The following IDO2 variants were observed in gnomAD, a reference collection of about 807,000 sequenced individuals.
IDO2 encodes the protein indoleamine 2,3-dioxygenase 2.
IDO2 carries 46 observed loss-of-function variants against 45.1 expected under a neutral mutation model. That is an observed-to-expected ratio of 1.02 (90% CI 0.80 to 1.30). The LOEUF is 1.30. IDO2 is among the 50% of genes most tolerant of loss of function. IDO2 has a pLI of 0.00. For missense variants in IDO2, 544 were observed against 491.8 expected, an observed-to-expected ratio of 1.11 and a Z score of -1.00; for synonymous variants, 218 against 184.9, an observed-to-expected ratio of 1.18 and a Z score of -1.45.
At chr8:39,951,929 C>G (rs1033155492) in intron 2 of IDO2, among the ~76,000 whole-genome samples, 1 of 152,184 alleles carries the variant, frequency 6.6e-6, no homozygotes, top group Non-Finnish European at 1.5e-5. Context: ...TCTTGTGATG[C>G]TCCCTGCCTG....
chr8:39,949,745 C>T (rs902012647), intron 2 of IDO2, among the ~76,000 whole-genome samples: 1 of 152,154 alleles, frequency 6.6e-6, no homozygotes, highest in South Asian at 2.1e-4. Context: ...TACTTATAAA[C>T]TGTCCTGGAT....
chr8:39,990,439 G>A (rs190880153), intron 8 of IDO2, among the ~76,000 whole-genome samples: 9 of 152,278 alleles, frequency 5.9e-5, no homozygotes, highest in African/African-American at 1.2e-4. Flanking sequence ...GAGAGCTCCC[G>A]TGTATAAATG....
At chr8:39,935,253 A>G in intron 1 of IDO2, 35 bp downstream of exon 1, 2 of 1,558,944 alleles carry the variant, frequency 1.3e-6, no homozygotes, top group Non-Finnish European at 1.8e-6. Flanking sequence ...CTAACCTCGT[A>G]TGCATAATGT....
At chr8:39,934,900 G>A in exon 1 of IDO2, 1 of 536,654 alleles carries the variant, frequency 1.9e-6, no homozygotes, top group Non-Finnish European at 3.3e-6. Context: ...CCTGGTAAGG[G>A]ATCATTTGCT....
intron 2 of IDO2, among the ~76,000 whole-genome samples, chr8:39,950,551 C>T (rs980456667): frequency 6.6e-6 from 1 of 152,096 alleles, no homozygotes; most frequent in Non-Finnish European, 1.5e-5. Context: ...AATGATCTCT[C>T]AGCAAAAGGA....
intron 2 of IDO2, among the ~76,000 whole-genome samples, chr8:39,961,221 T>C (rs1275711768): frequency 1.3e-5 from 2 of 152,156 alleles, no homozygotes; most frequent in Admixed American, 1.3e-4. Context: ...AGGCTTCTCC[T>C]TTCATTTTTC....
intron 2 of IDO2, among the ~76,000 whole-genome samples, chr8:39,955,487 C>T (rs1344695339): frequency 2.6e-5 from 4 of 151,914 alleles, no homozygotes; most frequent in Non-Finnish European, 5.9e-5. Context: ...AACTTCTGAC[C>T]TCAGGTGATC....
intron 8 of IDO2, among the ~76,000 whole-genome samples, chr8:40,000,282 T>C (rs1189017065): frequency 6.6e-6 from 1 of 151,984 alleles, no homozygotes; most frequent in Non-Finnish European, 1.5e-5. Context: ...CGTAGTGGCG[T>C]GCCTGTAGTC....
chr8:39,948,001 C>A (rs1448682354), intron 1 of IDO2, among the ~76,000 whole-genome samples: 2 of 152,128 alleles, frequency 1.3e-5, no homozygotes, highest in African/African-American at 2.4e-5. Context: ...TGAGGCTGGT[C>A]TCAAACTCCT....
At chr8:39,989,834 G>T (rs531890011) in exon 8 of IDO2, 5 of 1,584,602 alleles carry the variant, frequency 3.2e-6, no homozygotes, top group Non-Finnish European at 4.3e-6. Flanking sequence ...TAGGACAGAT[G>T]CATGGTAAGA....
intron 10 of IDO2, among the ~76,000 whole-genome samples, chr8:40,014,907 G>C (rs1802363534): frequency 6.6e-6 from 1 of 152,148 alleles, no homozygotes; most frequent in Non-Finnish European, 1.5e-5. Flanking sequence ...CCAAAATTTT[G>C]GAAGTCTGAG....
chr8:39,995,036 G>A (rs752151225), intron 8 of IDO2: 2 of 152,050 alleles, frequency 1.3e-5, no homozygotes, highest in Non-Finnish European at 2.9e-5. Context: ...TCATGCAAAA[G>A]GTCTGTACAC....
chr8:39,948,306 C>G (rs1050359961), intron 1 of IDO2, among the ~76,000 whole-genome samples: 6 of 152,192 alleles, frequency 3.9e-5, no homozygotes, highest in Admixed American at 2.0e-4. Context: ...ACCTTCTGAG[C>G]TTCTGGCAGG....
At chr8:40,007,789 C>G (rs1802244394) in intron 9 of IDO2, among the ~76,000 whole-genome samples, 1 of 152,180 alleles carries the variant, frequency 6.6e-6, no homozygotes, top group African/African-American at 2.4e-5. Flanking sequence ...GAATCATAGG[C>G]AAGCTCAACT....
At chr8:40,001,828 C>G (rs1229904709) in intron 8 of IDO2, among the ~76,000 whole-genome samples, 1 of 152,010 alleles carries the variant, frequency 6.6e-6, no homozygotes, top group African/African-American at 2.4e-5. Context: ...ATTTTGTTGT[C>G]CAGGCTGGAG....
chr8:39,948,432 G>C (rs888184025), intron 1 of IDO2, among the ~76,000 whole-genome samples: 1 of 152,118 alleles, frequency 6.6e-6, no homozygotes, highest in African/African-American at 2.4e-5. Flanking sequence ...CCAAGTACAT[G>C]AGCTAAGGTC....
intron 2 of IDO2, among the ~76,000 whole-genome samples, chr8:39,959,652 T>C (rs1807963615): frequency 6.6e-6 from 1 of 151,918 alleles, no homozygotes; most frequent in Non-Finnish European, 1.5e-5. Context: ...CAAAACCCCA[T>C]CTCTACTAAA....
At chr8:39,992,350 G>A (rs1801951219) in intron 8 of IDO2, among the ~76,000 whole-genome samples, 1 of 152,152 alleles carries the variant, frequency 6.6e-6, no homozygotes, top group Non-Finnish European at 1.5e-5. Flanking sequence ...AGAGCCATGT[G>A]GGTTCTCCAG....
chr8:39,976,724 C>T (rs1033669844), intron 3 of IDO2, among the ~76,000 whole-genome samples: 1 of 152,156 alleles, frequency 6.6e-6, no homozygotes, highest in Non-Finnish European at 1.5e-5. Flanking sequence ...ATTTGGCCCT[C>T]CCAAACTGAG....
Sources: allele counts gnomAD v4.1 joint callset (sites outside exome capture counted in the v4.1 genomes callset), GRCh38; gene constraint gnomAD v4.1.1; transcripts MANE v1.5; gene names NCBI Gene and HGNC (gene_info 2026-07-23, HGNC 2026-07-21).